Variants in SYTL1 observed in about 807,000 individuals in gnomAD.
SYTL1 encodes synaptotagmin like 1.
A neutral mutation model predicts 74.6 loss-of-function variants in SYTL1; 53 were observed. The ratio of observed to expected loss-of-function variants is 0.71; its 90% confidence interval spans 0.57 to 0.89. The LOEUF (loss-of-function observed/expected upper bound fraction) is 0.89, where lower values mean the gene tolerates loss of function less well. Ranked by LOEUF, SYTL1 falls within the 40% of genes least tolerant of loss-of-function variation. SYTL1 has a pLI of 0.00. For synonymous variants in SYTL1, 329 were observed against 324.9 expected (o/e 1.01, Z -0.14); for missense variants, 728 against 768.7 (o/e 0.95, Z 0.63).
At position 27,350,154 on chromosome 1, in the gene SYTL1, C is replaced by A; in HGVS notation, c.908+22C>A. The A allele has an allele frequency of 7.1e-6, 10 of 1,401,434 alleles. No homozygotes were observed. In the South Asian group the frequency reaches 1.5e-4, roughly 20 times the overall value. 86.8% of individuals were successfully genotyped at this position (1,401,434 alleles called of 1,614,324 possible). Reference sequence around the variant, plus strand: ...ACCCGTGAGTGCCCCGCCGGCCAAGCGGGGCGCGGCTGTCACAGCCCAGCC... The same window carrying A: ...ACCCGTGAGTGCCCCGCCGGCCAAGAGGGGCGCGGCTGTCACAGCCCAGCC... On this transcript the variant is annotated intron_variant, in intron 9 of 14. Transcript: ENST00000616558. The surrounding 1 kb of genome is among the most constrained non-coding windows in gnomAD (Gnocchi z 6.3).
chr1:27,349,086 G>T lies in SYTL1; in HGVS notation c.466G>T (p.Asp156Tyr), dbSNP rs768015355. ...QERLRETEGP[D>Y]FPSPSVPLKA... Reference sequence around the variant, plus strand: ...TACCCCTTTCTTCCTTCAGGGACCTGATTTCCCATCGCCTTCTGTCCCCCT... The same window carrying T: ...TACCCCTTTCTTCCTTCAGGGACCTTATTTCCCATCGCCTTCTGTCCCCCT... The change falls in exon 6 of 15, where the codon GAT becomes TAT. Residue 156 changes from aspartate (D) to tyrosine (Y), a missense_variant. Transcript: ENST00000616558. 3 of 1,613,644 alleles carry T rather than the reference G, an allele frequency of 1.9e-6. No individual in the cohort carries two copies. Among genetic ancestry groups the T allele is most frequent in the Non-Finnish European group, 2.5e-6 (3 of 1,179,598 alleles).
intron 13 of SYTL1, 66 bp from the exon 14 acceptor site, chr1:27,353,217 G>A (rs1465480426): frequency 2.6e-5 from 38 of 1,467,912 alleles, no homozygotes; most frequent in Non-Finnish European, 3.3e-5. Flanking sequence ...TGAGTGGGAC[G>A]TGGTGACTGG....
chr1:27,353,459 T>TG lies in SYTL1; in HGVS notation c.1526dup (p.Thr510HisfsTer23), dbSNP rs1260672977. ...CATGGGGCCCTGGCCAACCGCCAGC[T>TG]GGGGGGCACACGCCTCAGCCTGGGC... On this transcript the variant is annotated frameshift_variant, in exon 14 of 15. Transcript: ENST00000616558. LOFTEE classifies it high-confidence loss of function. The TG allele has an allele frequency of 1.9e-6, 3 of 1,607,690 alleles. No individual in the cohort carries two copies. The highest frequency in any genetic ancestry group is 1.3e-5 in the African/African-American group (1 of 75,002).
chr1:27,350,464 G>A lies in SYTL1; in HGVS notation c.984G>A (p.Pro328=), dbSNP rs1010237618. The change falls in exon 10 of 15, where the codon CCG becomes CCA. Residue 328 remains proline, a synonymous_variant. Coordinates refer to ENST00000616558, the MANE Select transcript of SYTL1 (RefSeq NM_001193308.2). The surrounding 1 kb of genome is among the most constrained non-coding windows in gnomAD (Gnocchi z 6.3). ...CGGTGAAGAAACGGAATCTGAATCC[G>A]GTTTTCAACGAGACTCTCCGGGTGA... ...KTAVKKRNLN[P]VFNETLRYSV... 3.1e-6 allele frequency: 5 copies of A among 1,613,630 alleles called. No individual in the cohort carries two copies. The African/African-American group carries it at 6.7e-5, about 22-fold the overall frequency.
At position 27,350,734 on chromosome 1, in the gene SYTL1, C is replaced by G. The variant is rs1422478768; in HGVS notation, c.1006-60C>G. Reference sequence around the variant, plus strand: ...GCGGTAGGACCTGCCTCAGCCAACTCGCGCAGCATCTACGCGGGCCACCAG... The same window carrying G: ...GCGGTAGGACCTGCCTCAGCCAACTGGCGCAGCATCTACGCGGGCCACCAG... On this transcript the variant is annotated intron_variant, in intron 10 of 14. Transcript: ENST00000616558. The surrounding 1 kb of genome is among the most constrained non-coding windows in gnomAD (Gnocchi z 6.3). The G allele has an allele frequency of 3.8e-6, 6 of 1,580,280 alleles. No homozygotes were observed. The African/African-American group carries it at 8.1e-5, about 21-fold the overall frequency.
Position 27,351,359 on chromosome 1 carries a change from A to C in SYTL1, c.1243+23A>C. 1 of 1,530,824 alleles carries C rather than the reference A, an allele frequency of 6.5e-7. No homozygotes were observed. Among genetic ancestry groups the C allele is most frequent in the Non-Finnish European group, 8.8e-7 (1 of 1,136,004 alleles). 94.8% of individuals were successfully genotyped at this position (1,530,824 alleles called of 1,614,324 possible). On this transcript the variant is annotated intron_variant, in intron 12 of 14. Transcript: ENST00000616558. The surrounding 1 kb of genome is among the most constrained non-coding windows in gnomAD (Gnocchi z 5.0). ...AGGGTGAGTGACAGCCGGAGAGGCC[A>C]AGCTGGACACGCCCTGAAAAGCGGG...
At chr1:27,349,053 G>A (rs773055806) in intron 5 of SYTL1, 27 bp from the exon 6 acceptor site, 53 of 1,582,470 alleles carry the variant, frequency 3.3e-5, no homozygotes, top group Non-Finnish European at 4.6e-5. Flanking sequence ...CCCCCGTACT[G>A]TGACCTCTAC....
In SYTL1 at chr1:27,347,436, A is replaced by G; in HGVS notation, c.207A>G (p.Ser69=). ...CTTCCTCCAGCAAGCTCCGGGCCTC[A>G]GTGGCAGACCCTGGGCAGCTGAAGA... ...EEGRVSKLRA[S]VADPGQLKIL... Residue 69 remains serine (S), a synonymous_variant, in exon 3 of 15, where the codon TCA becomes TCG. Coordinates refer to ENST00000616558, the MANE Select transcript of SYTL1 (RefSeq NM_001193308.2). This position sits in a 1 kb window ranked among gnomAD's most constrained non-coding sequence, Gnocchi z 4.9. 6.2e-7 allele frequency: 1 copy of G among 1,614,092 alleles called. No individual in the cohort carries two copies. The highest frequency in any genetic ancestry group is 8.5e-7 in the Non-Finnish European group (1 of 1,180,024).
rs577766476 is a variant in SYTL1 at position 27,350,611 on chromosome 1, C to T, written c.1005+126C>T. ...GATCGGCGGAGGGGGCCCATTAACTCGTTATCCAGTGTTGTCAGCCTCGTG... is the reference window on the plus strand; with the variant it reads ...GATCGGCGGAGGGGGCCCATTAACTTGTTATCCAGTGTTGTCAGCCTCGTG... On this transcript the variant is annotated intron_variant, in intron 10 of 14. Transcript: ENST00000616558. The surrounding 1 kb of genome is among the most constrained non-coding windows in gnomAD (Gnocchi z 6.3). The T allele has an allele frequency of 1.1e-5, 12 of 1,069,674 alleles. No homozygotes were observed. The highest frequency in any genetic ancestry group is 1.6e-5 in the Non-Finnish European group (12 of 734,046). 66.3% of individuals were successfully genotyped at this position (1,069,674 alleles called of 1,614,324 possible). A position where few individuals can be genotyped will look rare whatever the true frequency, so the allele number is the denominator to read the frequency against.
rs1409835806 is a variant in SYTL1 at position 27,351,426 on chromosome 1, T to G, written c.1244-30T>G. ...GTTTGGGGGCGGTGGACTCCATCCG[T>G]GTGCGGGCCTGAGCCGAGCCTCTCC... On this transcript the variant is annotated intron_variant, in intron 12 of 14. Coordinates refer to ENST00000616558, the MANE Select transcript of SYTL1 (RefSeq NM_001193308.2). The surrounding 1 kb of genome is among the most constrained non-coding windows in gnomAD (Gnocchi z 5.0). 2 of 1,507,892 alleles carry G rather than the reference T, an allele frequency of 1.3e-6. No homozygotes were observed. Among genetic ancestry groups the G allele is most frequent in the Admixed American group, 4.3e-5 (2 of 46,476 alleles). 93.4% of individuals were successfully genotyped at this position (1,507,892 alleles called of 1,614,324 possible). A position where few individuals can be genotyped will look rare whatever the true frequency, so the allele number is the denominator to read the frequency against.
intron 14 of SYTL1, 80 bp downstream of exon 14, chr1:27,353,568 C>T (rs1283188470): frequency 1.3e-6 from 2 of 1,537,320 alleles, no homozygotes; most frequent in South Asian, 1.2e-5. Flanking sequence ...CTGGATACCT[C>T]TCTGTCCTTT....
rs921653258 is a variant in SYTL1 at position 27,350,680 on chromosome 1, G to A, written c.1006-114G>A. Reference sequence around the variant, plus strand: ...CAGGTCCCCATTAATGCCCTTAGGGGCTCCCCAGAATTCCATCATGGTAGG... The same window carrying A: ...CAGGTCCCCATTAATGCCCTTAGGGACTCCCCAGAATTCCATCATGGTAGG... On this transcript the variant is annotated intron_variant, in intron 10 of 14. Transcript: ENST00000616558. This position sits in a 1 kb window ranked among gnomAD's most constrained non-coding sequence, Gnocchi z 6.3. The A allele has an allele frequency of 1.2e-5, 16 of 1,336,572 alleles. No homozygotes were observed. The highest frequency in any genetic ancestry group is 1.6e-5 in the Non-Finnish European group (15 of 966,276). The allele number at this position is 1,336,572 out of a possible 1,614,324, so 82.8% of individuals were successfully genotyped here. A position where few individuals can be genotyped will look rare whatever the true frequency, so the allele number is the denominator to read the frequency against.
At position 27,347,517 on chromosome 1, in the gene SYTL1, C is replaced by T. The variant is rs1195965534; in HGVS notation, c.288C>T (p.His96=). The change falls in exon 3 of 15, where the codon CAC becomes CAT. Residue 96 remains histidine (H), a synonymous_variant. Transcript: ENST00000616558. This position sits in a 1 kb window ranked among gnomAD's most constrained non-coding sequence, Gnocchi z 4.9. ...GCTCCCAGCGGCACCACAATGCCCA[C>T]TTCGGCTCTGACCTTGTCCGAGCGT... is the stretch of plus-strand genomic sequence containing the variant. ...EARSQRHHNA[H]FGSDLVRASM... 3 of 1,614,136 alleles carry T rather than the reference C, an allele frequency of 1.9e-6. No homozygotes were observed. The highest frequency in any genetic ancestry group is 3.3e-5 in the Admixed American group (2 of 60,030).
rs1248883292 is a variant in SYTL1, at chr1:27,345,025, TGTCTGTGTGTTCCATCGCTGC to T, written c.-38-271_-38-251del. 1 of 225,268 alleles carries T rather than the reference TGTCTGTGTGTTCCATCGCTGC, an allele frequency of 4.4e-6. No individual in the cohort carries two copies. Among genetic ancestry groups the T allele is most frequent in the Non-Finnish European group, 8.7e-6 (1 of 115,332 alleles). The allele number at this position is 225,268 out of a possible 1,614,324, so 14.0% of individuals were successfully genotyped here. On this transcript the variant is annotated intron_variant, in intron 1 of 14. Coordinates refer to ENST00000616558, the MANE Select transcript of SYTL1 (RefSeq NM_001193308.2). This position sits in a 1 kb window ranked among gnomAD's most constrained non-coding sequence, Gnocchi z 6.0. ...CTACATGGACCCGCGTGTGCACATG[TGTCTGTGTGTTCCATCGCTGC>T]AGTCCTGTGTGGCCCTACCTCAGGG... is the stretch of plus-strand genomic sequence containing the variant.
In SYTL1 at chr1:27,345,724, T is replaced by C. The variant is rs1180811488; in HGVS notation, c.191+199T>C. On this transcript the variant is annotated intron_variant, in intron 2 of 14. Coordinates refer to ENST00000616558, the MANE Select transcript of SYTL1 (RefSeq NM_001193308.2). This position sits in a 1 kb window ranked among gnomAD's most constrained non-coding sequence, Gnocchi z 6.0. ...CAGCTTTCTCGCCAGCCTCCCTGCC[T>C]CCAGGCTTGCCTCTTGGGCCCACCT... Among the ~76,000 whole-genome samples, 1 of 151,294 alleles carries C rather than the reference T, an allele frequency of 6.6e-6. No homozygotes were observed. Among genetic ancestry groups the C allele is most frequent in the African/African-American group, 2.4e-5 (1 of 41,206 alleles).
Position 27,353,462 on chromosome 1 carries a change from G to C in SYTL1, c.1523G>C (p.Gly508Ala). Residue 508 changes from glycine to alanine, a missense_variant, in exon 14 of 15, where the codon GGG becomes GCG. Physicochemically the swap from Gly to Ala is moderately conservative, Grantham distance 60. Coordinates refer to ENST00000616558, the MANE Select transcript of SYTL1 (RefSeq NM_001193308.2). ...GGGGCCCTGGCCAACCGCCAGCTGG[G>C]GGGCACACGCCTCAGCCTGGGCACC... ...DHGALANRQL[G>A]GTRLSLGTGS... The C allele has an allele frequency of 6.2e-7, 1 of 1,607,100 alleles. No homozygotes were observed. Among genetic ancestry groups the C allele is most frequent in the Non-Finnish European group, 8.5e-7 (1 of 1,177,534 alleles).
Position 27,347,410 on chromosome 1 carries a change from C to G in SYTL1, c.192-11C>G, listed in dbSNP as rs574411962. The G allele has an allele frequency of 1.9e-6, 3 of 1,614,002 alleles. No homozygotes were observed. Among genetic ancestry groups the G allele is most frequent in the Non-Finnish European group, 2.5e-6 (3 of 1,180,010 alleles). ...TGAGTCATGACAGCCACACCCTCCC[C>G]CTTCCTCCAGCAAGCTCCGGGCCTC... On this transcript the variant is annotated splice_polypyrimidine_tract_variant and intron_variant, in intron 2 of 14. Coordinates refer to ENST00000616558, the MANE Select transcript of SYTL1 (RefSeq NM_001193308.2). This position sits in a 1 kb window ranked among gnomAD's most constrained non-coding sequence, Gnocchi z 4.9.
Position 27,350,955 on chromosome 1 carries a change from G to A in SYTL1, c.1164+3G>A, listed in dbSNP as rs1260246194. ...CCTGGCTCCCCCTGCAGCCCCGGGT[G>A]AGGCAGCCAGGCCGCGTGGGGAGAC... On this transcript the variant is annotated splice_donor_region_variant and intron_variant, in intron 11 of 14. Coordinates refer to ENST00000616558, the MANE Select transcript of SYTL1 (RefSeq NM_001193308.2). This position sits in a 1 kb window ranked among gnomAD's most constrained non-coding sequence, Gnocchi z 6.3. 4 of 1,612,628 alleles carry A rather than the reference G, an allele frequency of 2.5e-6. No homozygotes were observed. The African/African-American group carries it at 5.3e-5, about 22-fold the overall frequency.
chr1:27,342,257 A>G lies in SYTL1; in HGVS notation c.-39+107A>G, dbSNP rs7533455. On this transcript the variant is annotated intron_variant, in intron 1 of 14. Coordinates refer to ENST00000616558, the MANE Select transcript of SYTL1 (RefSeq NM_001193308.2). The surrounding 1 kb of genome is among the most constrained non-coding windows in gnomAD (Gnocchi z 4.7). ...CACCTTGGGGTTGGGGGAGGTGGGC[A>G]CATGTCTGGAACTGGAACAGCTGGA... The G allele has an allele frequency of 0.034, 29,021 of 852,940 alleles. 2,076 individuals are homozygous for G. Among genetic ancestry groups the G allele is most frequent in the African/African-American group, 0.26 (14,160 of 54,474 alleles). 52.8% of individuals were successfully genotyped at this position (852,940 alleles called of 1,614,324 possible).
Sources: gnomAD v4.1 joint callset for allele counts (sites outside exome capture counted in the v4.1 genomes callset) on GRCh38, gnomAD v4.1.1 for gene constraint, Gnocchi (gnomAD v3.1) non-coding constraint, MANE v1.5 for transcripts, NCBI Gene and HGNC (gene_info 2026-07-23, HGNC 2026-07-21) for gene names.